Variants in SH3BGRL2 observed in about 807,000 individuals in gnomAD.
SH3BGRL2 encodes SH3 domain-binding glutamic acid-rich-like protein 2.
Under a neutral mutation model 14.8 loss-of-function variants are expected in SH3BGRL2, and 21 were observed. The ratio of observed to expected loss-of-function variants is 1.42; its 90% CI spans 1.01 to 2.05. SH3BGRL2 has a LOEUF of 2.05. Ranked by LOEUF, SH3BGRL2 falls within the 30% of genes most tolerant of loss-of-function variation. SH3BGRL2 has a pLI of 0.00. For missense variants in SH3BGRL2, 147 were observed against 130.8 expected, an observed-to-expected ratio of 1.12 and a Z score of -0.61; for synonymous variants, 50 against 47.8, an observed-to-expected ratio of 1.05 and a Z score of -0.19.
At chr6:79,680,915 G>A (rs1472300849) in intron 2 of SH3BGRL2, among the ~76,000 whole-genome samples, 3 of 151,950 alleles carry the variant, frequency 2.0e-5, no homozygotes, top group Non-Finnish European at 4.4e-5. Context: ...TGTTGATTTT[G>A]TATCCTACAA....
the SH3BGRL2 span, among the ~76,000 whole-genome samples, chr6:79,565,015 A>G: frequency 1.3e-5 from 2 of 152,194 alleles, no homozygotes; most frequent in African/African-American, 4.8e-5. Context: ...TTTCAACAAC[A>G]GGAGGCTGTA....
At chr6:79,574,344 C>T in the SH3BGRL2 span, 1 of 152,194 alleles carries the variant, frequency 6.6e-6, no homozygotes, top group Admixed American at 6.5e-5. Flanking sequence ...CTGGTGCCTT[C>T]TCTCCAGAAA....
At chr6:79,557,587 A>G in the SH3BGRL2 span, among the ~76,000 whole-genome samples, 1 of 152,204 alleles carries the variant, frequency 6.6e-6, no homozygotes, top group African/African-American at 2.4e-5. Flanking sequence ...TCCACTAGGA[A>G]TGTTCCCATC....
chr6:79,672,023 C>T (rs755834593), intron 1 of SH3BGRL2, among the ~76,000 whole-genome samples: 2 of 152,020 alleles, frequency 1.3e-5, no homozygotes, highest in Non-Finnish European at 2.9e-5. Context: ...TCTTTTTAAT[C>T]ATCTGCCCTT....
At chr6:79,679,067 G>A (rs1769940012) in intron 2 of SH3BGRL2, among the ~76,000 whole-genome samples, 1 of 152,164 alleles carries the variant, frequency 6.6e-6, no homozygotes, top group Non-Finnish European at 1.5e-5. Context: ...TGTGCATAGT[G>A]CAGTAATGAG....
Position 79,699,579 on chromosome 6 carries a change from C to G in SH3BGRL2, c.*70C>G. 1 of 1,370,670 alleles carries G rather than the reference C, an allele frequency of 7.3e-7. No homozygotes were observed. Among genetic ancestry groups the G allele is most frequent in the Non-Finnish European group, 9.6e-7 (1 of 1,046,352 alleles). 84.9% of individuals were successfully genotyped at this position (1,370,670 alleles called of 1,614,324 possible). Reference sequence around the variant, plus strand: ...TGGTACTCAGCACACACATGCTTACCTAATGCATCACTGTGACAAAAGCCA... The same window carrying G: ...TGGTACTCAGCACACACATGCTTACGTAATGCATCACTGTGACAAAAGCCA... On this transcript the variant is annotated 3_prime_UTR_variant, in exon 4 of 4. Coordinates refer to ENST00000369838, the MANE Select transcript of SH3BGRL2 (RefSeq NM_031469.4).
chr6:79,677,871 G>A (rs367847652), intron 2 of SH3BGRL2, among the ~76,000 whole-genome samples: 1 of 152,142 alleles, frequency 6.6e-6, no homozygotes, highest in East Asian at 1.9e-4. Context: ...AGATTCTAAA[G>A]GTAAAGGAGC....
chr6:79,619,347 A>C, the SH3BGRL2 span, among the ~76,000 whole-genome samples: 1 of 152,076 alleles, frequency 6.6e-6, no homozygotes, highest in Admixed American at 6.5e-5. Flanking sequence ...CTCACTAACA[A>C]TATTAGCAAT....
chr6:79,592,951 C>T, the SH3BGRL2 span, among the ~76,000 whole-genome samples: 1 of 152,142 alleles, frequency 6.6e-6, no homozygotes, highest in East Asian at 1.9e-4. Flanking sequence ...GGATCACAAA[C>T]TCAAATGCCT....
chr6:79,538,050 T>C, the SH3BGRL2 span, among the ~76,000 whole-genome samples: 1 of 125,572 alleles, frequency 8.0e-6, no homozygotes, highest in East Asian at 3.5e-4. Flanking sequence ...TTTTTTTTTT[T>C]TTTTAAGGAA....
At chr6:79,635,084 G>C (rs1768897343) in intron 1 of SH3BGRL2, among the ~76,000 whole-genome samples, 1 of 152,154 alleles carries the variant, frequency 6.6e-6, no homozygotes, top group African/African-American at 2.4e-5. Flanking sequence ...CTGCTGCCTG[G>C]AGCCTTTTGT....
At chr6:79,630,867 C>A (rs887642498), upstream of SH3BGRL2, among the ~76,000 whole-genome samples, 11 of 152,282 alleles carry the variant, frequency 7.2e-5, no homozygotes, top group African/African-American at 2.6e-4. Flanking sequence ...ACCGCCCACA[C>A]CTCCCAAGCA....
intron 2 of SH3BGRL2, among the ~76,000 whole-genome samples, chr6:79,683,120 CA>C (rs1297335153): frequency 1.3e-5 from 2 of 152,006 alleles, no homozygotes; most frequent in African/African-American, 4.8e-5. Flanking sequence ...ATGGGTACAG[CA>C]AACCAATATG....
the SH3BGRL2 span, among the ~76,000 whole-genome samples, chr6:79,617,041 C>T: frequency 6.6e-6 from 1 of 151,820 alleles, no homozygotes; most frequent in Non-Finnish European, 1.5e-5. Context: ...CAAAATTAGC[C>T]AGGTGTGGTG....
chr6:79,685,408 T>C (rs1280952134), intron 2 of SH3BGRL2, among the ~76,000 whole-genome samples: 1 of 152,204 alleles, frequency 6.6e-6, no homozygotes, highest in Non-Finnish European at 1.5e-5. Context: ...TCTGCTCTTC[T>C]TTCTGCAGCT....
the SH3BGRL2 span, among the ~76,000 whole-genome samples, chr6:79,543,693 A>T: frequency 6.6e-6 from 1 of 152,228 alleles, no homozygotes; most frequent in Non-Finnish European, 1.5e-5. Context: ...TTTAAAACAT[A>T]GGAACTGTCT....
At chr6:79,666,206 C>T (rs1283318867) in intron 1 of SH3BGRL2, among the ~76,000 whole-genome samples, 3 of 152,136 alleles carry the variant, frequency 2.0e-5, no homozygotes, top group Non-Finnish European at 1.5e-5. Context: ...ATTCTCTTGG[C>T]CTTTTCTGAT....
At chr6:79,549,765 G>A in the SH3BGRL2 span, among the ~76,000 whole-genome samples, 5 of 152,160 alleles carry the variant, frequency 3.3e-5, no homozygotes, top group Non-Finnish European at 5.9e-5. Flanking sequence ...AATAGATACT[G>A]TCTAAAATTA....
chr6:79,574,809 C>T, the SH3BGRL2 span: 1 of 152,200 alleles, frequency 6.6e-6, no homozygotes, highest in Non-Finnish European at 1.5e-5. Flanking sequence ...AAATACAGGT[C>T]TTTGATGTCT....
Sources: gnomAD v4.1 joint callset for allele counts (sites outside exome capture counted in the v4.1 genomes callset) on GRCh38, gnomAD v4.1.1 for gene constraint, MANE v1.5 for transcripts, NCBI Gene and HGNC (gene_info 2026-07-23, HGNC 2026-07-21) for gene names.